The following NBEAL1 variants were observed in gnomAD, a reference collection of about 807,000 sequenced individuals.
The protein encoded by NBEAL1 is neurobeachin-like protein 1.
NBEAL1 carries 273 observed loss-of-function variants against 351.3 expected under a neutral mutation model. That is an observed-to-expected ratio of 0.78 (90% CI 0.70 to 0.86). The LOEUF is 0.86. Among genes scored for constraint, NBEAL1 ranks in the 40% least tolerant of loss-of-function variants. The pLI, the probability that NBEAL1 is intolerant of heterozygous loss-of-function variation, is 0.00. For synonymous variants in NBEAL1, 1,050 were observed against 1,086.4 expected (o/e 0.97, Z 0.66); for missense variants, 2,961 against 3,201.3 (o/e 0.92, Z 1.81).
At chr2:203,014,628 T>G (rs1339751235), upstream of NBEAL1, 7 of 152,234 alleles carry the variant, frequency 4.6e-5, no homozygotes, top group Admixed American at 1.3e-4. Context: ...CATGTCCAGC[T>G]GAGGGAAGGC....
intron 2 of NBEAL1, chr2:203,040,517 A>T: frequency 3.0e-6 from 2 of 673,016 alleles, no homozygotes; most frequent in Admixed American, 3.7e-5. Context: ...GTGGAAACTT[A>T]TGTGACCTGG....
In NBEAL1 at chr2:203,016,165, A is replaced by G. The variant is rs2060677744; in HGVS notation, c.-220A>G. 2 of 369,730 alleles carry G rather than the reference A, an allele frequency of 5.4e-6. No homozygotes were observed. Among genetic ancestry groups the G allele is most frequent in the Non-Finnish European group, 9.6e-6 (2 of 208,998 alleles). The allele number at this position is 369,730 out of a possible 1,614,324, so 22.9% of individuals were successfully genotyped here. A position where few individuals can be genotyped will look rare whatever the true frequency, so the allele number is the denominator to read the frequency against. Reference sequence around the variant, plus strand: ...TTTTTCTCTTTCACAGATTTATTTAATTGCCCAACTACCACTGATGAAGAT... The same window carrying G: ...TTTTTCTCTTTCACAGATTTATTTAGTTGCCCAACTACCACTGATGAAGAT... On this transcript the variant is annotated 5_prime_UTR_variant, in exon 2 of 56. Coordinates refer to ENST00000683969, the MANE Select transcript of NBEAL1 (RefSeq NM_001378026.1).
intron 48 of NBEAL1, 116 bp from the exon 49 acceptor site, chr2:203,199,222 A>G: frequency 1.7e-6 from 1 of 573,490 alleles, no homozygotes; most frequent in Non-Finnish European, 3.1e-6. Flanking sequence ...TTTGAAGTAC[A>G]CAGTCTCACA....
In NBEAL1 at chr2:203,210,857, G is replaced by T. The variant is rs556660814; in HGVS notation, c.7786-101G>T. 32 of 588,900 alleles carry T rather than the reference G, an allele frequency of 5.4e-5. No individual in the cohort carries two copies. The South Asian group carries it at 1.2e-3, about 23-fold the overall frequency. The allele number at this position is 588,900 out of a possible 1,614,324, so 36.5% of individuals were successfully genotyped here. Reference sequence around the variant, plus strand: ...TATAGCCATATTTTTATCCTAAAATGTTAAGCCAAATAATTATTCTGTTAT... The same window carrying T: ...TATAGCCATATTTTTATCCTAAAATTTTAAGCCAAATAATTATTCTGTTAT... On this transcript the variant is annotated intron_variant, in intron 53 of 55. Coordinates refer to ENST00000683969, the MANE Select transcript of NBEAL1 (RefSeq NM_001378026.1).
At chr2:203,160,003 C>G (rs1311741750) in intron 36 of NBEAL1, among the ~76,000 whole-genome samples, 1 of 150,548 alleles carries the variant, frequency 6.6e-6, no homozygotes, top group Non-Finnish European at 1.5e-5. Flanking sequence ...TGTTGAGCAT[C>G]TTTCCATGTG....
rs1395828150 is a variant in NBEAL1 at position 203,218,272 on chromosome 2, G to A, written c.*918G>A. On this transcript the variant is annotated 3_prime_UTR_variant, in exon 56 of 56. Transcript: ENST00000683969. The stretch of plus-strand genomic sequence containing the variant: ...AACTTAAAATAATCATTTATATATA[G>A]TAATTTAAAAATTTCTATTTCATGT... The A allele has an allele frequency of 6.6e-6, 1 of 151,842 alleles. No homozygotes were observed. The highest frequency in any genetic ancestry group is 1.5e-5 in the Non-Finnish European group (1 of 67,936). The allele number at this position is 151,842 out of a possible 1,614,324, so 9.4% of individuals were successfully genotyped here. A position where few individuals can be genotyped will look rare whatever the true frequency, so the allele number is the denominator to read the frequency against.
Position 203,079,269 on chromosome 2 carries a change from A to G in NBEAL1, c.684+1432A>G, listed in dbSNP as rs184263583. Among the ~76,000 whole-genome samples, 47 of 152,152 alleles carry G rather than the reference A, an allele frequency of 3.1e-4. 1 individual carries two copies. The highest frequency in any genetic ancestry group is 3.4e-3 in the Middle Eastern group (1 of 294). Reference sequence around the variant, plus strand: ...AATTTTTGTATTTTTGTATTTTTGTAAAGACACTCTTTTGCCATGTTGCCC... The same window carrying G: ...AATTTTTGTATTTTTGTATTTTTGTGAAGACACTCTTTTGCCATGTTGCCC... On this transcript the variant is annotated intron_variant, in intron 8 of 55. Coordinates refer to ENST00000683969, the MANE Select transcript of NBEAL1 (RefSeq NM_001378026.1).
intron 10 of NBEAL1, among the ~76,000 whole-genome samples, chr2:203,091,143 C>T (rs2062056809): frequency 6.6e-6 from 1 of 152,056 alleles, no homozygotes; most frequent in Non-Finnish European, 1.5e-5. Context: ...CCCTGGTTTC[C>T]TCTCACCTCA....
At chr2:203,066,539 T>C (rs939530386) in intron 6 of NBEAL1, among the ~76,000 whole-genome samples, 1 of 152,154 alleles carries the variant, frequency 6.6e-6, no homozygotes, top group Non-Finnish European at 1.5e-5. Flanking sequence ...CCCCTTTTCT[T>C]TTCGACAAAA....
intron 55 of NBEAL1, among the ~76,000 whole-genome samples, chr2:203,214,312 A>G (rs1021019675): frequency 6.6e-6 from 1 of 152,252 alleles, no homozygotes; most frequent in Admixed American, 6.5e-5. Flanking sequence ...ATCTAACAAT[A>G]TGGGATCTGT....
At chr2:203,045,780 T>G (rs1326963319) in intron 3 of NBEAL1, among the ~76,000 whole-genome samples, 1 of 152,176 alleles carries the variant, frequency 6.6e-6, no homozygotes, top group Non-Finnish European at 1.5e-5. Flanking sequence ...GAAGAAGAGG[T>G]AACTATAAAG....
At chr2:203,050,700 A>C (rs895324610) in intron 4 of NBEAL1, among the ~76,000 whole-genome samples, 7 of 152,232 alleles carry the variant, frequency 4.6e-5, no homozygotes, top group Non-Finnish European at 8.8e-5. Flanking sequence ...GTATGCATGA[A>C]TAACAACAAG....
intron 47 of NBEAL1, among the ~76,000 whole-genome samples, chr2:203,194,297 TGAG>T (rs2065175608): frequency 6.6e-6 from 1 of 152,190 alleles, no homozygotes; most frequent in Non-Finnish European, 1.5e-5. Flanking sequence ...ATTGATAGAA[TGAG>T]TAGTCTAGTA....
chr2:203,089,591 G>A (rs967816127), intron 10 of NBEAL1, among the ~76,000 whole-genome samples: 4 of 152,064 alleles, frequency 2.6e-5, no homozygotes, highest in Admixed American at 1.3e-4. Flanking sequence ...AACTAGAGGC[G>A]GGTAGCATTT....
intron 18 of NBEAL1, among the ~76,000 whole-genome samples, chr2:203,116,690 A>G (rs2062706011): frequency 6.6e-6 from 1 of 150,994 alleles, no homozygotes; most frequent in Non-Finnish European, 1.5e-5. Context: ...CTTGGGAGGC[A>G]AAGGCGGGAA....
chr2:203,187,056 T>C (rs1010333618), intron 44 of NBEAL1, among the ~76,000 whole-genome samples: 2 of 152,218 alleles, frequency 1.3e-5, no homozygotes, highest in African/African-American at 2.4e-5. Flanking sequence ...AGGCAATTTC[T>C]CATTTTGAGA....
chr2:203,165,879 T>TA (rs1290393758), intron 36 of NBEAL1, among the ~76,000 whole-genome samples: 2 of 151,790 alleles, frequency 1.3e-5, no homozygotes, highest in Non-Finnish European at 1.5e-5. Context: ...CCCACCTCTA[T>TA]AAAAAATATA....
intron 47 of NBEAL1, among the ~76,000 whole-genome samples, chr2:203,194,582 A>T (rs1001064151): frequency 6.6e-6 from 1 of 151,286 alleles, no homozygotes; most frequent in African/African-American, 2.5e-5. Context: ...CTTATTTGAA[A>T]AGTATGCAGC....
intron 2 of NBEAL1, chr2:203,040,197 G>C (rs2061117074): frequency 6.7e-7 from 1 of 1,483,196 alleles, no homozygotes; most frequent in Admixed American, 1.7e-5. Context: ...AAGCCACTCA[G>C]GCAAAGCAGG....
Sources: gnomAD v4.1 joint callset for allele counts (sites outside exome capture counted in the v4.1 genomes callset) on GRCh38, gnomAD v4.1.1 for gene constraint, MANE v1.5 for transcripts, NCBI Gene and HGNC (gene_info 2026-07-23, HGNC 2026-07-21) for gene names.